Variants in CADM2 observed in about 807,000 individuals in gnomAD.
CADM2 encodes immunoglobulin superfamily member 4D.
CADM2 carries 12 observed loss-of-function variants against 49.8 expected under a neutral mutation model. That is an observed-to-expected ratio of 0.24 (90% CI 0.15 to 0.39). The LOEUF (loss-of-function observed/expected upper bound fraction) is 0.39, where lower values mean the gene tolerates loss of function less well. Among genes scored for constraint, CADM2 ranks in the 10% least tolerant of loss-of-function variants. The probability of loss-of-function intolerance (pLI) is 1.00; values close to 1 mark genes in which losing one functional copy is unlikely to be tolerated. For synonymous variants in CADM2, 214 were observed against 175.4 expected (o/e 1.22, Z -1.74); for missense variants, 378 against 492.3 (o/e 0.77, Z 2.20).
chr3:85,955,768 T>C (rs1723981717), intron 7 of CADM2, among the ~76,000 whole-genome samples: 1 of 151,510 alleles, frequency 6.6e-6, no homozygotes, highest in Admixed American at 6.6e-5. Flanking sequence ...AACATACAGG[T>C]AATCTCTTAT....
At chr3:85,288,783 T>TACC (rs2043698302) in intron 1 of CADM2, among the ~76,000 whole-genome samples, 1 of 67,652 alleles carries the variant, frequency 1.5e-5, no homozygotes, top group Non-Finnish European at 3.0e-5. Context: ...TTTACCAATA[T>TACC]GCCCCCCCCC....
At chr3:85,969,951 G>T (rs1432514444) in intron 8 of CADM2, among the ~76,000 whole-genome samples, 1 of 131,678 alleles carries the variant, frequency 7.6e-6, no homozygotes, top group Non-Finnish European at 1.6e-5. Flanking sequence ...ACAGGGGTGT[G>T]TTTGTGTGTG....
At chr3:85,675,863 T>G (rs1416744638) in intron 1 of CADM2, among the ~76,000 whole-genome samples, 1 of 152,072 alleles carries the variant, frequency 6.6e-6, no homozygotes, top group Non-Finnish European at 1.5e-5. Context: ...ATGTGTGGAG[T>G]GAGAGACAGA....
chr3:85,306,504 C>T (rs912979750), intron 1 of CADM2, among the ~76,000 whole-genome samples: 12 of 151,618 alleles, frequency 7.9e-5, no homozygotes, highest in African/African-American at 2.4e-4. Context: ...AAAATGTTTT[C>T]CTTTAATTCT....
intron 1 of CADM2, among the ~76,000 whole-genome samples, chr3:85,393,048 T>C (rs1186000666): frequency 6.7e-6 from 1 of 149,968 alleles, no homozygotes; most frequent in Non-Finnish European, 1.5e-5. Flanking sequence ...TTTGCAGGAT[T>C]AGTTGAAGAA....
chr3:85,972,073 A>T (rs144947802), intron 8 of CADM2, among the ~76,000 whole-genome samples: 4 of 151,686 alleles, frequency 2.6e-5, no homozygotes, highest in South Asian at 2.1e-4. Context: ...TGTACTGGTG[A>T]GTTGGGACCT....
intron 1 of CADM2, among the ~76,000 whole-genome samples, chr3:85,447,979 A>G (rs2107559657): frequency 6.6e-6 from 1 of 152,254 alleles, no homozygotes; most frequent in Non-Finnish European, 1.5e-5. Flanking sequence ...AAGAAAAGCC[A>G]ATAAGCAAAA....
intron 1 of CADM2, among the ~76,000 whole-genome samples, chr3:85,022,356 T>C (rs1458530999): frequency 1.3e-5 from 2 of 152,156 alleles, no homozygotes; most frequent in African/African-American, 4.8e-5. Flanking sequence ...GACTATAGAA[T>C]ATTCTTGATT....
chr3:85,350,066 A>C (rs1052399620), intron 1 of CADM2, among the ~76,000 whole-genome samples: 4 of 152,230 alleles, frequency 2.6e-5, no homozygotes, highest in African/African-American at 9.6e-5. Context: ...TATGCTTATG[A>C]AGACAGAGGA....
At chr3:85,058,274 A>C (rs1013379428) in intron 1 of CADM2, among the ~76,000 whole-genome samples, 2 of 152,156 alleles carry the variant, frequency 1.3e-5, no homozygotes, top group African/African-American at 4.8e-5. Context: ...GGATCTTCCT[A>C]GTTCAAGAAA....
rs950955469 is a variant in CADM2, at chr3:85,489,746, G to A, written c.62-236776G>A. Among the ~76,000 whole-genome samples the A allele has an allele frequency of 1.0e-3, 17 of 17,020 alleles. No individual in the cohort carries two copies. The East Asian group carries it at 0.057, about 57-fold the overall frequency. The allele number at this position is 17,020 out of a possible 152,430, so 11.2% of individuals were successfully genotyped here. On this transcript the variant is annotated intron_variant, in intron 1 of 9. Coordinates refer to ENST00000383699, the MANE Select transcript of CADM2 (RefSeq NM_001167675.2). Reference sequence around the variant, plus strand: ...TGTCCTTCTAAAAATTATTTAACGTGTGTGTGTGTGTGAGAGAGAGAGAGA... The same window carrying A: ...TGTCCTTCTAAAAATTATTTAACGTATGTGTGTGTGTGAGAGAGAGAGAGA...
At chr3:85,570,188 TA>T (rs985288353) in intron 1 of CADM2, among the ~76,000 whole-genome samples, 2 of 152,144 alleles carry the variant, frequency 1.3e-5, no homozygotes, top group Non-Finnish European at 2.9e-5. Context: ...TCTGTCCATA[TA>T]TTTATTTAGA....
intron 1 of CADM2, among the ~76,000 whole-genome samples, chr3:84,993,554 T>A (rs1367371405): frequency 2.0e-5 from 3 of 152,194 alleles, no homozygotes; most frequent in Admixed American, 6.5e-5. Flanking sequence ...TGGTAAGTGG[T>A]GCACCATCAG....
intron 2 of CADM2, among the ~76,000 whole-genome samples, chr3:85,767,499 T>C (rs1297895363): frequency 6.6e-6 from 1 of 152,202 alleles, no homozygotes; most frequent in Non-Finnish European, 1.5e-5. Context: ...CACTTACTAG[T>C]GCAAATTTAA....
chr3:85,536,496 A>T (rs66781790), intron 1 of CADM2, among the ~76,000 whole-genome samples: 1 of 151,440 alleles, frequency 6.6e-6, no homozygotes. Flanking sequence ...ATAAAAAATG[A>T]CATTTATTAT....
At chr3:85,611,321 C>T (rs1271895619) in intron 1 of CADM2, among the ~76,000 whole-genome samples, 1 of 151,526 alleles carries the variant, frequency 6.6e-6, no homozygotes, top group Non-Finnish European at 1.5e-5. Flanking sequence ...AATATGCCTC[C>T]ATTAATGGTA....
rs897406332 is a variant in CADM2 at position 85,344,137 on chromosome 3, G to A, written c.62-382385G>A. 4.0e-5 allele frequency among the ~76,000 whole-genome samples: 6 copies of A among 151,892 alleles called. No homozygotes were observed. The South Asian group carries it at 6.2e-4, about 16-fold the overall frequency. On this transcript the variant is annotated intron_variant, in intron 1 of 9. Coordinates refer to ENST00000383699, the MANE Select transcript of CADM2 (RefSeq NM_001167675.2). ...ACGCCTGTAATCCCAGAACTTTGGG[G>A]GGCCGAGGCGGGCAGATCACGAAGT...
chr3:85,564,646 A>G lies in CADM2; in HGVS notation c.62-161876A>G, dbSNP rs569818016. On this transcript the variant is annotated intron_variant, in intron 1 of 9. Transcript: ENST00000383699. The stretch of plus-strand genomic sequence containing the variant: ...ATTCTAGTGTGGAATTACTAGAAAT[A>G]ATTTTAACATGCATACTTATTCATC... 3.9e-5 allele frequency among the ~76,000 whole-genome samples: 6 copies of G among 152,228 alleles called. No homozygotes were observed. The East Asian group carries it at 1.2e-3, about 29-fold the overall frequency.
intron 1 of CADM2, among the ~76,000 whole-genome samples, chr3:85,360,936 A>G (rs1014776596): frequency 2.0e-5 from 3 of 152,112 alleles, no homozygotes; most frequent in Admixed American, 6.6e-5. Context: ...GCTAGTTCTC[A>G]TTCCTTGCCT....
Sources: allele counts gnomAD v4.1 joint callset (sites outside exome capture counted in the v4.1 genomes callset), GRCh38; gene constraint gnomAD v4.1.1; transcripts MANE v1.5; gene names NCBI Gene and HGNC (gene_info 2026-07-23, HGNC 2026-07-21).